The following IMMP2L variants were observed in gnomAD, a reference collection of about 807,000 sequenced individuals.
IMMP2L encodes inner mitochondrial membrane peptidase subunit 2.
In IMMP2L, 18 loss-of-function variants were observed where a neutral mutation model predicts 19.3. That is an observed-to-expected ratio of 0.93 (90% confidence interval 0.64 to 1.38). The LOEUF is 1.38. Ranked by LOEUF, IMMP2L falls within the 40% of genes most tolerant of loss-of-function variation. The probability of loss-of-function intolerance (pLI) is 0.00; values close to 1 mark genes in which losing one functional copy is unlikely to be tolerated. For synonymous variants in IMMP2L, 76 were observed against 73.0 expected, an observed-to-expected ratio of 1.04 and a Z score of -0.21; for missense variants, 233 against 218.2, an observed-to-expected ratio of 1.07 and a Z score of -0.43.
At chr7:110,808,614 G>A (rs2131258443) in intron 5 of IMMP2L, among the ~76,000 whole-genome samples, 1 of 152,152 alleles carries the variant, frequency 6.6e-6, no homozygotes, top group East Asian at 1.9e-4. Flanking sequence ...CAGCTGCAGT[G>A]CAGATGGTTT....
At chr7:111,061,576 T>C (rs1794019498) in intron 3 of IMMP2L, among the ~76,000 whole-genome samples, 1 of 152,104 alleles carries the variant, frequency 6.6e-6, no homozygotes, top group Non-Finnish European at 1.5e-5. Flanking sequence ...CTATCAAAGC[T>C]ACCCCCAAAT....
chr7:111,300,298 C>G (rs1229290920), intron 3 of IMMP2L, among the ~76,000 whole-genome samples: 1 of 152,098 alleles, frequency 6.6e-6, no homozygotes. Context: ...AGACACGGAC[C>G]CCACCAGTTA....
chr7:110,688,383 C>A (rs1584505917), intron 5 of IMMP2L, among the ~76,000 whole-genome samples: 1 of 152,038 alleles, frequency 6.6e-6, no homozygotes. Flanking sequence ...CAGCTAGGAA[C>A]AACAAACTGC....
intron 3 of IMMP2L, among the ~76,000 whole-genome samples, chr7:111,448,416 G>A (rs1184538319): frequency 2.0e-5 from 3 of 151,590 alleles, no homozygotes; most frequent in African/African-American, 4.9e-5. Context: ...ACTAAAAGCC[G>A]CTCAACTACA....
chr7:110,769,956 T>C (rs533630232), intron 5 of IMMP2L, among the ~76,000 whole-genome samples: 1 of 152,210 alleles, frequency 6.6e-6, no homozygotes, highest in South Asian at 2.1e-4. Context: ...CTATCCGAAC[T>C]GTTGGGTTTC....
intron 3 of IMMP2L, among the ~76,000 whole-genome samples, chr7:111,177,982 T>C (rs1173312021): frequency 2.6e-5 from 4 of 152,044 alleles, no homozygotes; most frequent in Non-Finnish European, 4.4e-5. Flanking sequence ...AAAAAGAAAA[T>C]ATCAAATACC....
intron 5 of IMMP2L, among the ~76,000 whole-genome samples, chr7:110,882,287 G>GCCTGCCTGCCTTCCTT (rs1387853201): frequency 4.9e-5 from 6 of 122,064 alleles, no homozygotes; most frequent in African/African-American, 2.0e-4. Flanking sequence ...TTTGTCAAGT[G>GCCTGCCTGCCTTCCTT]CCTTCCTTCC....
At chr7:111,359,469 T>C (rs1235639048) in intron 3 of IMMP2L, among the ~76,000 whole-genome samples, 3 of 151,940 alleles carry the variant, frequency 2.0e-5, no homozygotes, top group Non-Finnish European at 4.4e-5. Flanking sequence ...TCCTGGCTAA[T>C]TTTTGTATTT....
intron 3 of IMMP2L, among the ~76,000 whole-genome samples, chr7:111,326,086 C>T (rs577696238): frequency 1.3e-5 from 2 of 151,518 alleles, no homozygotes; most frequent in Non-Finnish European, 3.0e-5. Flanking sequence ...TCTCCTAAAC[C>T]AAACCTGAGT....
intron 3 of IMMP2L, among the ~76,000 whole-genome samples, chr7:111,473,245 C>T (rs577853729): frequency 6.6e-6 from 1 of 152,206 alleles, no homozygotes; most frequent in African/African-American, 2.4e-5. Flanking sequence ...CTTTCCATGG[C>T]GATCTGCATG....
At chr7:111,348,326 T>C (rs961342768) in intron 3 of IMMP2L, among the ~76,000 whole-genome samples, 2 of 152,040 alleles carry the variant, frequency 1.3e-5, no homozygotes, top group African/African-American at 2.4e-5. Context: ...GAAGATGAAA[T>C]ACTTCTAAAG....
chr7:111,237,426 T>G (rs1346250063), intron 3 of IMMP2L, among the ~76,000 whole-genome samples: 1 of 152,046 alleles, frequency 6.6e-6, no homozygotes, highest in Non-Finnish European at 1.5e-5. Context: ...ATAAGTTAAA[T>G]AAGAATGATT....
At chr7:110,882,911 T>C (rs1373058052) in intron 5 of IMMP2L, among the ~76,000 whole-genome samples, 1 of 152,142 alleles carries the variant, frequency 6.6e-6, no homozygotes, top group African/African-American at 2.4e-5. Flanking sequence ...ATGTAACTCT[T>C]ATTTCTCCTG....
At chr7:111,207,204 A>G (rs905154902) in intron 3 of IMMP2L, among the ~76,000 whole-genome samples, 2 of 152,196 alleles carry the variant, frequency 1.3e-5, no homozygotes, top group African/African-American at 4.8e-5. Flanking sequence ...ATACAGAGTG[A>G]TAGCCAAGCA....
At chr7:111,428,531 T>C (rs979224867) in intron 3 of IMMP2L, among the ~76,000 whole-genome samples, 2 of 150,986 alleles carry the variant, frequency 1.3e-5, no homozygotes, top group African/African-American at 2.5e-5. Context: ...GGGTAAAATC[T>C]TTTAAAAACC....
chr7:111,352,936 T>C (rs1044011831), intron 3 of IMMP2L, among the ~76,000 whole-genome samples: 3 of 152,190 alleles, frequency 2.0e-5, no homozygotes, highest in Non-Finnish European at 4.4e-5. Flanking sequence ...TCCCTTGTTC[T>C]GCCCAAAAGT....
chr7:111,263,547 G>C (rs997363517), intron 3 of IMMP2L, among the ~76,000 whole-genome samples: 1 of 152,086 alleles, frequency 6.6e-6, no homozygotes, highest in Non-Finnish European at 1.5e-5. Flanking sequence ...TGATGAGAAG[G>C]GGACCATTGG....
chr7:110,753,919 C>T (rs1797888782), intron 5 of IMMP2L, among the ~76,000 whole-genome samples: 1 of 151,870 alleles, frequency 6.6e-6, no homozygotes, highest in Admixed American at 6.6e-5. Flanking sequence ...CAAATGGGGG[C>T]CCAGCTATCT....
At chr7:111,121,481 G>T (rs1800606795) in intron 3 of IMMP2L, among the ~76,000 whole-genome samples, 2 of 152,138 alleles carry the variant, frequency 1.3e-5, no homozygotes, top group Admixed American at 1.3e-4. Flanking sequence ...ATGAAAAAAT[G>T]ATCATCATCA....
Sources: allele counts gnomAD v4.1 joint callset (sites outside exome capture counted in the v4.1 genomes callset), GRCh38; gene constraint gnomAD v4.1.1; transcripts MANE v1.5; gene names NCBI Gene and HGNC (gene_info 2026-07-23, HGNC 2026-07-21).